Variants in DCT observed in about 807,000 individuals in gnomAD.
DCT encodes the protein L-dopachrome tautomerase.
Under a neutral mutation model 53.0 loss-of-function variants are expected in DCT, and 47 were observed. The observed-to-expected ratio is 0.89, with a 90% CI of 0.70 to 1.13. DCT has a LOEUF of 1.13. DCT is among the 50% of genes most tolerant of loss of function. The pLI, the probability that DCT is intolerant of heterozygous loss-of-function variation, is 0.00. For synonymous variants in DCT, 244 were observed against 237.0 expected (o/e 1.03, Z -0.27); for missense variants, 669 against 637.4 (o/e 1.05, Z -0.53).
chr13:94,463,650 C>T (rs1002832734), intron 4 of DCT, among the ~76,000 whole-genome samples: 6 of 152,116 alleles, frequency 3.9e-5, no homozygotes, highest in Non-Finnish European at 8.8e-5. Context: ...AGGCTGGTCT[C>T]GAAGTCCTGG....
rs1311686453 is a variant in DCT at position 94,472,513 on chromosome 13, CATACATACAT to C, written c.296-3478_296-3469del. ...TGGTATACAGTGAGTTAAATATATA[CATACATACAT>C]ATATATATATATATATATATATATA... On this transcript the variant is annotated intron_variant, in intron 1 of 7. Transcript: ENST00000377028. Among the ~76,000 whole-genome samples, 66 of 37,490 alleles carry C rather than the reference CATACATACAT, an allele frequency of 1.8e-3. 1 individual carries two copies. The highest frequency in any genetic ancestry group is 2.5e-3 in the Non-Finnish European group (50 of 19,674). 24.6% of individuals were successfully genotyped at this position (37,490 alleles called of 152,430 possible).
chr13:94,472,568 A>ATTT (rs869190962), intron 1 of DCT, among the ~76,000 whole-genome samples: 3 of 15,040 alleles, frequency 2.0e-4, no homozygotes, highest in African/African-American at 7.3e-4. Flanking sequence ...ATATATATAT[A>ATTT]TTTTTTTTTT....
chr13:94,542,959 C>T, the DCT span, among the ~76,000 whole-genome samples: 2 of 152,018 alleles, frequency 1.3e-5, no homozygotes, highest in African/African-American at 2.4e-5. Flanking sequence ...TTACAAAGGA[C>T]GTTTTCATAC....
intron 7 of DCT, among the ~76,000 whole-genome samples, chr13:94,442,196 G>A (rs1225285114): frequency 6.6e-6 from 1 of 152,208 alleles, no homozygotes; most frequent in Non-Finnish European, 1.5e-5. Flanking sequence ...CAAAGAGAGA[G>A]AGACTGAGCT....
At chr13:94,460,278 C>CT in intron 5 of DCT, 52 bp from the exon 6 acceptor site, 5 of 1,560,054 alleles carry the variant, frequency 3.2e-6, no homozygotes, top group South Asian at 2.3e-5. Context: ...ATAAAGGTCT[C>CT]TTTTTTGTTG....
At chr13:94,469,073 G>A (rs1884443468) in intron 1 of DCT, 28 bp from the exon 2 acceptor site, 1 of 1,585,188 alleles carries the variant, frequency 6.3e-7, no homozygotes, top group Admixed American at 1.7e-5. Context: ...AAGATGGAAA[G>A]GAAGGGGGTT....
chr13:94,490,273 G>A, the DCT span, among the ~76,000 whole-genome samples: 3 of 151,982 alleles, frequency 2.0e-5, no homozygotes, highest in African/African-American at 7.3e-5. Flanking sequence ...GGGAGGCTGA[G>A]GTGAGTGGAT....
rs375638471 is a variant in DCT at position 94,466,612 on chromosome 13, A to G, written c.642T>C (p.Pro214=). Residue 214 remains proline, a synonymous_variant, in exon 3 of 8, where the codon CCT becomes CCC. Transcript: ENST00000377028. Reference sequence around the variant, plus strand: ...GGTACCGGTGCCAGGTAACAAATGCAGGTCCTTGATGTGAGAAATCTATGG... The same window carrying G: ...GGTACCGGTGCCAGGTAACAAATGCGGGTCCTTGATGTGAGAAATCTATGG... ...YRAIDFSHQG[P]AFVTWHRYHL... The G allele has an allele frequency of 1.2e-6, 2 of 1,612,436 alleles. No homozygotes were observed. Among genetic ancestry groups the G allele is most frequent in the Admixed American group, 3.3e-5 (2 of 59,872 alleles).
the DCT span, among the ~76,000 whole-genome samples, chr13:94,510,151 A>C: frequency 5.9e-5 from 9 of 152,124 alleles, no homozygotes; most frequent in East Asian, 1.4e-3. Flanking sequence ...CTACTCCCTA[A>C]CTATCAAGGG....
chr13:94,461,567 T>C (rs1353258850), intron 5 of DCT, among the ~76,000 whole-genome samples: 1 of 152,228 alleles, frequency 6.6e-6, no homozygotes, highest in Non-Finnish European at 1.5e-5. Context: ...ATTGCTGTGC[T>C]ATGATTTGAG....
the DCT span, among the ~76,000 whole-genome samples, chr13:94,542,810 C>CA: frequency 6.6e-6 from 1 of 152,070 alleles, no homozygotes; most frequent in South Asian, 2.1e-4. Flanking sequence ...AAACACAAAA[C>CA]AAAAACAAAC....
At chr13:94,456,784 A>G (rs1025756448) in intron 6 of DCT, among the ~76,000 whole-genome samples, 1 of 152,246 alleles carries the variant, frequency 6.6e-6, no homozygotes, top group Non-Finnish European at 1.5e-5. Context: ...GTCTGTATCA[A>G]GTAAAACTGA....
the DCT span, among the ~76,000 whole-genome samples, chr13:94,509,758 C>T: frequency 6.6e-6 from 1 of 152,098 alleles, no homozygotes; most frequent in East Asian, 1.9e-4. Flanking sequence ...CTGTGAGAAT[C>T]AAGTGAGAGA....
chr13:94,463,072 C>A (rs1472478913), intron 4 of DCT, among the ~76,000 whole-genome samples: 1 of 152,148 alleles, frequency 6.6e-6, no homozygotes, highest in African/African-American at 2.4e-5. Flanking sequence ...ACATTATATC[C>A]TACACGCCTG....
At chr13:94,462,974 G>A (rs1482830618) in intron 4 of DCT, among the ~76,000 whole-genome samples, 5 of 152,184 alleles carry the variant, frequency 3.3e-5, no homozygotes, top group African/African-American at 1.2e-4. Flanking sequence ...GATATTAGAA[G>A]AAACACTGTG....
At chr13:94,521,233 A>G in the DCT span, among the ~76,000 whole-genome samples, 1 of 152,244 alleles carries the variant, frequency 6.6e-6, no homozygotes, top group Non-Finnish European at 1.5e-5. Context: ...TGTTGTAAGG[A>G]TAAAAGAGAG....
chr13:94,445,891 G>A, intron 6 of DCT: 1 of 641,256 alleles, frequency 1.6e-6, no homozygotes, highest in Non-Finnish European at 2.7e-6. Context: ...CTGTGGGGGG[G>A]CGGGGTGAAA....
chr13:94,545,797 G>A, the DCT span, among the ~76,000 whole-genome samples: 77 of 151,736 alleles, frequency 5.1e-4, no homozygotes, highest in Non-Finnish European at 9.0e-4. Context: ...TTTTAATGCT[G>A]CCCACCTGCT....
chr13:94,520,715 A>T, the DCT span, among the ~76,000 whole-genome samples: 2 of 152,176 alleles, frequency 1.3e-5, no homozygotes, highest in South Asian at 4.1e-4. Context: ...GTAGAGAAAA[A>T]AAAGGACTGA....
Sources: allele counts gnomAD v4.1 joint callset (sites outside exome capture counted in the v4.1 genomes callset), GRCh38; gene constraint gnomAD v4.1.1; transcripts MANE v1.5; gene names NCBI Gene and HGNC (gene_info 2026-07-23, HGNC 2026-07-21).